Variants in TMEM266 observed in about 807,000 individuals in gnomAD.
TMEM266 encodes the protein Hv1 related protein 1.
Under a neutral mutation model 50.5 loss-of-function variants are expected in TMEM266, and 33 were observed. That is an observed-to-expected ratio of 0.65 (90% CI 0.50 to 0.87). TMEM266 has a LOEUF of 0.87. TMEM266 is among the 40% of genes least tolerant of loss of function. The pLI is 0.00. For synonymous variants in TMEM266, 310 were observed against 292.3 expected (o/e 1.06, Z -0.62); for missense variants, 655 against 695.1 (o/e 0.94, Z 0.65).
At chr15:76,071,272 A>C (rs1158003704) in intron 1 of TMEM266, among the ~76,000 whole-genome samples, 1 of 152,174 alleles carries the variant, frequency 6.6e-6, no homozygotes, top group Non-Finnish European at 1.5e-5. Flanking sequence ...TTTTGTGAAG[A>C]TGCTAGGTGG....
intron 8 of TMEM266, among the ~76,000 whole-genome samples, chr15:76,184,770 G>GC (rs1426229040): frequency 6.6e-6 from 1 of 152,212 alleles, no homozygotes; most frequent in East Asian, 1.9e-4. Flanking sequence ...TAAAAGCCCG[G>GC]CCCCGATGGA....
chr15:76,156,828 AG>A, intron 4 of TMEM266, 70 bp downstream of exon 4: 1 of 1,524,218 alleles, frequency 6.6e-7, no homozygotes, highest in Non-Finnish European at 8.9e-7. Context: ...TGCATTCATC[AG>A]GGGTCCCCAA....
At chr15:76,142,525 C>T (rs1180198761) in intron 3 of TMEM266, among the ~76,000 whole-genome samples, 3 of 152,206 alleles carry the variant, frequency 2.0e-5, no homozygotes, top group Admixed American at 2.0e-4. Context: ...GCAGTGGTTG[C>T]TGCACTGTTT....
At chr15:76,073,414 G>C (rs1243553830) in intron 1 of TMEM266, among the ~76,000 whole-genome samples, 2 of 151,600 alleles carry the variant, frequency 1.3e-5, no homozygotes, top group Non-Finnish European at 2.9e-5. Flanking sequence ...TGTATTTTTA[G>C]TAGAGACGGG....
chr15:76,064,189 T>C (rs1274161103), intron 1 of TMEM266, among the ~76,000 whole-genome samples: 2 of 152,244 alleles, frequency 1.3e-5, no homozygotes, highest in Admixed American at 1.3e-4. Flanking sequence ...TCATTCCTAC[T>C]GGCTTTTTAC....
chr15:76,086,933 G>C (rs75198208), intron 1 of TMEM266, among the ~76,000 whole-genome samples: 3 of 34,082 alleles, frequency 8.8e-5, no homozygotes, highest in Non-Finnish European at 1.5e-4. Flanking sequence ...CAGGTCGGGG[G>C]GGGGGCGGTG....
intron 2 of TMEM266, 150 bp from the exon 3 acceptor site, chr15:76,137,557 C>T (rs2037610163): frequency 1.2e-5 from 9 of 744,890 alleles, no homozygotes; most frequent in East Asian, 2.5e-5. Flanking sequence ...TCCTCGGGTC[C>T]GCGGGTGGCC....
intron 8 of TMEM266, among the ~76,000 whole-genome samples, chr15:76,190,048 G>A (rs777382869): frequency 1.3e-5 from 2 of 152,172 alleles, no homozygotes; most frequent in African/African-American, 2.4e-5. Flanking sequence ...TGTGTTTTAC[G>A]TTCATAAAAG....
intron 3 of TMEM266, among the ~76,000 whole-genome samples, chr15:76,142,030 C>T (rs377287745): frequency 7.2e-5 from 11 of 152,282 alleles, no homozygotes; most frequent in South Asian, 2.1e-4. Flanking sequence ...TTCTCAAATG[C>T]GTCCATATTT....
rs768387187 is a variant in TMEM266 at position 76,160,091 on chromosome 15, G to A, written c.383-4G>A. ...AAAATTGGTCCTTATCGTGTCCATT[G>A]CAGTTTCCAGCGCATTCCAGTTTGC... On this transcript the variant is annotated splice_region_variant and splice_polypyrimidine_tract_variant and intron_variant, in intron 4 of 10. Transcript: ENST00000388942. This position sits in a 1 kb window ranked among gnomAD's most constrained non-coding sequence, Gnocchi z 5.7. The A allele has an allele frequency of 2.5e-6, 4 of 1,613,932 alleles. No homozygotes were observed. In the African/African-American group the frequency reaches 5.3e-5, roughly 22 times the overall value.
At position 76,161,465 on chromosome 15, in the gene TMEM266, C is replaced by CTG. The variant is rs927749259; in HGVS notation, c.456+1298_456+1299insGT. ...CTCTGGCCTAGCTAATGGCTCTGCT[C>CTG]TCTCTCTCTCTCTCTCCCTAAAAAT... On this transcript the variant is annotated intron_variant, in intron 5 of 10. Coordinates refer to ENST00000388942, the MANE Select transcript of TMEM266 (RefSeq NM_152335.3). The surrounding 1 kb of genome is among the most constrained non-coding windows in gnomAD (Gnocchi z 4.1). Among the ~76,000 whole-genome samples, 1 of 150,954 alleles carries CTG rather than the reference C, an allele frequency of 6.6e-6. No homozygotes were observed. The highest frequency in any genetic ancestry group is 1.5e-5 in the Non-Finnish European group (1 of 67,720).
intron 3 of TMEM266, among the ~76,000 whole-genome samples, chr15:76,145,172 T>A (rs984362224): frequency 2.6e-5 from 4 of 152,172 alleles, no homozygotes; most frequent in African/African-American, 7.2e-5. Flanking sequence ...AGTGTCGGCT[T>A]CATCCTGATG....
rs1351657322 is a variant in TMEM266, at chr15:76,170,990, C to T, written c.514-3C>T. On this transcript the variant is annotated splice_polypyrimidine_tract_variant and splice_region_variant and intron_variant, in intron 6 of 10. Transcript: ENST00000388942. ...GGGCACTGAAATGGGCCTCCTCTCA[C>T]AGGTGTTTGACGGGGCTGTGATCAT... The T allele has an allele frequency of 4.3e-6, 7 of 1,611,232 alleles. No individual in the cohort carries two copies. In the African/African-American group the frequency reaches 6.7e-5, roughly 15 times the overall value.
chr15:76,107,255 C>T (rs187333074), intron 1 of TMEM266, among the ~76,000 whole-genome samples: 81 of 152,186 alleles, frequency 5.3e-4, no homozygotes, highest in South Asian at 1.0e-3. Context: ...TTCATTCATA[C>T]GAGGTTTTCA....
At chr15:76,078,646 T>G (rs188994066) in intron 1 of TMEM266, among the ~76,000 whole-genome samples, 74 of 152,310 alleles carry the variant, frequency 4.9e-4, no homozygotes, top group Non-Finnish European at 1.5e-4. Flanking sequence ...GGAAATGTGT[T>G]TATTCAGCAG....
At chr15:76,131,078 G>T (rs2037503648) in intron 1 of TMEM266, among the ~76,000 whole-genome samples, 1 of 152,186 alleles carries the variant, frequency 6.6e-6, no homozygotes, top group African/African-American at 2.4e-5. Flanking sequence ...TGTGTAGCAT[G>T]TAAAATACTA....
intron 1 of TMEM266, among the ~76,000 whole-genome samples, chr15:76,069,948 T>C (rs2036511575): frequency 1.3e-5 from 2 of 152,356 alleles, no homozygotes; most frequent in South Asian, 4.1e-4. Flanking sequence ...TTGAATATTA[T>C]ACAACCTTTA....
At chr15:76,122,099 C>CT (rs1035706193) in intron 1 of TMEM266, among the ~76,000 whole-genome samples, 7 of 152,220 alleles carry the variant, frequency 4.6e-5, no homozygotes, top group African/African-American at 1.7e-4. Context: ...TTGGTCTTGG[C>CT]TTAGCCTCTC....
intron 4 of TMEM266, 127 bp downstream of exon 4, chr15:76,156,885 A>T: frequency 2.0e-6 from 2 of 1,001,920 alleles, no homozygotes; most frequent in Non-Finnish European, 3.0e-6. Context: ...GCCCAGCCTC[A>T]GGCCCTGGGG....
Sources: gnomAD v4.1 joint callset for allele counts (sites outside exome capture counted in the v4.1 genomes callset) on GRCh38, gnomAD v4.1.1 for gene constraint, Gnocchi (gnomAD v3.1) non-coding constraint, MANE v1.5 for transcripts, NCBI Gene and HGNC (gene_info 2026-07-23, HGNC 2026-07-21) for gene names.